FAF2: variants seen among roughly 807,000 people sequenced by gnomAD.
FAF2 encodes Fas associated factor family member 2, also known as FAS-associated factor 2.
Under a neutral mutation model 62.3 loss-of-function variants are expected in FAF2, and 9 were observed. The ratio of observed to expected loss-of-function variants is 0.14; its 90% CI spans 0.09 to 0.25. FAF2 has a LOEUF of 0.25. FAF2 is among the 10% of genes least tolerant of loss of function. The probability of loss-of-function intolerance (pLI) is 1.00; values close to 1 mark genes in which losing one functional copy is unlikely to be tolerated. For missense variants in FAF2, 368 were observed against 556.2 expected (o/e 0.66, Z 3.40); for synonymous variants, 202 against 198.0 (o/e 1.02, Z -0.17).
At chr5:176,451,046 G>A (rs889588999) in intron 1 of FAF2, among the ~76,000 whole-genome samples, 2 of 152,164 alleles carry the variant, frequency 1.3e-5, no homozygotes, top group South Asian at 2.1e-4. Context: ...ATACCAAGCA[G>A]CAGTTGATGT....
rs745330844 is a variant in FAF2, at chr5:176,448,398, C to A, written c.-10C>A. On this transcript the variant is annotated 5_prime_UTR_variant, in exon 1 of 11. Coordinates refer to ENST00000261942, the MANE Select transcript of FAF2 (RefSeq NM_014613.3). ...TGCGGACGGGTCAGGAGCGTAGAGG[C>A]GGCGGCAAAATGGCGGCGCCTGAGG... The A allele has an allele frequency of 6.2e-7, 1 of 1,603,784 alleles. No homozygotes were observed. The highest frequency in any genetic ancestry group is 8.5e-7 in the Non-Finnish European group (1 of 1,175,620).
At chr5:176,463,674 G>A (rs2113721363) in intron 1 of FAF2, among the ~76,000 whole-genome samples, 1 of 151,326 alleles carries the variant, frequency 6.6e-6, no homozygotes, top group Non-Finnish European at 1.5e-5. Context: ...AAAGATGCCT[G>A]AGGTTACGAA....
At chr5:176,501,153 A>G (rs941140964) in intron 10 of FAF2, among the ~76,000 whole-genome samples, 2 of 151,602 alleles carry the variant, frequency 1.3e-5, no homozygotes, top group Admixed American at 1.3e-4. Context: ...AATAATAGGC[A>G]CTCCCTAGTA....
At chr5:176,495,856 T>G (rs1759049926) in intron 7 of FAF2, among the ~76,000 whole-genome samples, 1 of 151,996 alleles carries the variant, frequency 6.6e-6, no homozygotes, top group South Asian at 2.1e-4. Context: ...AAACTAACCT[T>G]TTTAAGGGTG....
At chr5:176,492,908 GA>G (rs1303570163) in intron 5 of FAF2, among the ~76,000 whole-genome samples, 3 of 152,154 alleles carry the variant, frequency 2.0e-5, no homozygotes, top group African/African-American at 7.2e-5. Context: ...CATCTTCTTT[GA>G]TCTCTCACAG....
At chr5:176,477,661 T>TA (rs1758727363) in intron 1 of FAF2, among the ~76,000 whole-genome samples, 1 of 152,246 alleles carries the variant, frequency 6.6e-6, no homozygotes, top group South Asian at 2.1e-4. Context: ...TGTGTAATTA[T>TA]AAAAAATGAA....
rs1438551721 is a variant in FAF2, at chr5:176,477,840, A to G, written c.64-1348A>G. On this transcript the variant is annotated intron_variant, in intron 1 of 10. Coordinates refer to ENST00000261942, the MANE Select transcript of FAF2 (RefSeq NM_014613.3). ...TGGCCATGGGGTGCAGAATTAGGCA[A>G]GAACTTCAGTTTTCAGACTCATCAG... 8.7e-4 allele frequency among the ~76,000 whole-genome samples: 132 copies of G among 152,340 alleles called. 1 individual carries two copies. The highest frequency in any genetic ancestry group is 1.2e-4 in the Non-Finnish European group (8 of 68,036).
rs773750850 is a variant in FAF2, at chr5:176,489,010, G to C, written c.327G>C (p.Thr109=). Residue 109 remains threonine, a synonymous_variant, in exon 4 of 11, where the codon ACG becomes ACC. Transcript: ENST00000261942. ...IMLPFRFTYY[T]ILDIFRFALR... ...TTCCATTCCGGTTTACCTATTACAC[G>C]ATACTTGATATATTTAGGTATGTAC... The C allele has an allele frequency of 1.2e-6, 2 of 1,612,850 alleles. No homozygotes were observed. Among genetic ancestry groups the C allele is most frequent in the Non-Finnish European group, 1.7e-6 (2 of 1,179,002 alleles).
At chr5:176,497,810 G>A (rs1012746393) in intron 8 of FAF2, among the ~76,000 whole-genome samples, 53 of 152,244 alleles carry the variant, frequency 3.5e-4, no homozygotes, top group African/African-American at 1.3e-3. Flanking sequence ...TAAATTTTAT[G>A]GAAAGTTTTT....
chr5:176,506,938 A>T lies in FAF2; in HGVS notation c.1326A>T (p.Leu442=). 1 of 1,547,328 alleles carries T rather than the reference A, an allele frequency of 6.5e-7. No homozygotes were observed. The highest frequency in any genetic ancestry group is 8.8e-7 in the Non-Finnish European group (1 of 1,141,236). ...SHTEVLFVQD[L]TDE is the part of the protein sequence containing the mutation. ...CAGAAGTTCTTTTTGTTCAGGACCT[A>T]ACTGACGAATGACATTTTTTTCTTC... is the stretch of plus-strand genomic sequence containing the variant. The change falls in exon 11 of 11, where the codon CTA becomes CTT. Residue 442 remains leucine, a synonymous_variant. Coordinates refer to ENST00000261942, the MANE Select transcript of FAF2 (RefSeq NM_014613.3).
At chr5:176,477,804 G>T (rs1386804169) in intron 1 of FAF2, among the ~76,000 whole-genome samples, 1 of 152,146 alleles carries the variant, frequency 6.6e-6, no homozygotes, top group Non-Finnish European at 1.5e-5. Context: ...GAGTTAAAAT[G>T]TGCCTGTCCG....
In FAF2 at chr5:176,489,795, C is replaced by T. The variant is rs545294909; in HGVS notation, c.344+768C>T. Among the ~76,000 whole-genome samples, 5 of 152,316 alleles carry T rather than the reference C, an allele frequency of 3.3e-5. No homozygotes were observed. In the East Asian group the frequency reaches 9.7e-4, roughly 29 times the overall value. ...CTCCCGGCCTCAAGTGATCCACCTG[C>T]CTTGGCCTCCCGAAGTGCTGGGATT... On this transcript the variant is annotated intron_variant, in intron 4 of 10. Coordinates refer to ENST00000261942, the MANE Select transcript of FAF2 (RefSeq NM_014613.3).
rs537181094 is a variant in FAF2, at chr5:176,489,574, G to C, written c.344+547G>C. On this transcript the variant is annotated intron_variant, in intron 4 of 10. Transcript: ENST00000261942. ...TGAAACAGAGTCTTGCTCTGTCGCTGTCACCCAGGCTAGAGTGCAGTGCCA... is the reference window on the plus strand; with the variant it reads ...TGAAACAGAGTCTTGCTCTGTCGCTCTCACCCAGGCTAGAGTGCAGTGCCA... Among the ~76,000 whole-genome samples the C allele has an allele frequency of 2.6e-5, 4 of 152,020 alleles. No homozygotes were observed. The South Asian group carries it at 6.2e-4, about 24-fold the overall frequency.
At chr5:176,463,604 A>G (rs1758416597) in intron 1 of FAF2, among the ~76,000 whole-genome samples, 3 of 152,074 alleles carry the variant, frequency 2.0e-5, no homozygotes, top group South Asian at 4.1e-4. Flanking sequence ...AATCTGCACA[A>G]CCCAAGGAAC....
intron 1 of FAF2, among the ~76,000 whole-genome samples, chr5:176,464,307 A>T (rs1480198016): frequency 6.6e-6 from 1 of 152,068 alleles, no homozygotes; most frequent in Non-Finnish European, 1.5e-5. Context: ...GGAAATGTTT[A>T]TTCATGTGGT....
intron 10 of FAF2, among the ~76,000 whole-genome samples, chr5:176,503,047 CAA>C (rs201779398): frequency 7.1e-6 from 1 of 140,032 alleles, no homozygotes. Flanking sequence ...GGCTGTGTCT[CAA>C]AAAAAAAATG....
intron 2 of FAF2, among the ~76,000 whole-genome samples, chr5:176,481,056 A>AT: frequency 6.6e-6 from 1 of 151,812 alleles, no homozygotes; most frequent in African/African-American, 2.4e-5. Context: ...ATTTATTTTT[A>AT]TTTTTTTGAG....
At chr5:176,487,561 A>G (rs966178173) in intron 3 of FAF2, among the ~76,000 whole-genome samples, 22 of 152,182 alleles carry the variant, frequency 1.4e-4, no homozygotes, top group African/African-American at 4.8e-4. Context: ...CATGTCAGCC[A>G]TGGGGCTCCA....
In FAF2 at chr5:176,487,908, T is replaced by A. The variant is rs1353678318; in HGVS notation, c.268-1043T>A. ...CCCAGGCTGGAGTGCAGTGGTGTGA[T>A]CTCAGCTCACTGCAACCTCAGCTTC... On this transcript the variant is annotated intron_variant, in intron 3 of 10. Transcript: ENST00000261942. Among the ~76,000 whole-genome samples, 4 of 152,298 alleles carry A rather than the reference T, an allele frequency of 2.6e-5. No individual in the cohort carries two copies. In the East Asian group the frequency reaches 7.7e-4, roughly 29 times the overall value.
Sources: gnomAD v4.1 joint callset for allele counts (sites outside exome capture counted in the v4.1 genomes callset) on GRCh38, gnomAD v4.1.1 for gene constraint, MANE v1.5 for transcripts, NCBI Gene and HGNC (gene_info 2026-07-23, HGNC 2026-07-21) for gene names.